The following COLQ variants were observed in gnomAD, a reference collection of about 807,000 sequenced individuals.
The protein encoded by COLQ is acetylcholinesterase collagenic tail peptide.
Under a neutral mutation model 69.0 loss-of-function variants are expected in COLQ, and 48 were observed. The ratio of observed to expected loss-of-function variants is 0.70; its 90% CI spans 0.55 to 0.88. The LOEUF is 0.88. Ranked by LOEUF, COLQ falls within the 40% of genes least tolerant of loss-of-function variation. The pLI is 0.00. For missense variants in COLQ, 618 were observed against 594.6 expected (o/e 1.04, Z -0.41); for synonymous variants, 217 against 211.2 (o/e 1.03, Z -0.24).
intron 7 of COLQ, 74 bp from the exon 8 acceptor site, chr3:15,475,025 T>C: frequency 8.4e-5 from 115 of 1,372,528 alleles, no homozygotes; most frequent in Non-Finnish European, 1.2e-4. Flanking sequence ...ATAGAAGGAA[T>C]CCCTGAATGT....
At chr3:15,479,189 G>C (rs1429881039) in intron 4 of COLQ, 149 bp downstream of exon 4, 1 of 1,099,884 alleles carries the variant, frequency 9.1e-7, no homozygotes, top group Non-Finnish European at 1.4e-6. Flanking sequence ...ATGTGCTGCA[G>C]CAGCCCAGCC....
intron 5 of COLQ, 132 bp from the exon 6 acceptor site, chr3:15,477,329 T>A: frequency 1.3e-6 from 1 of 776,126 alleles, no homozygotes; most frequent in Non-Finnish European, 2.2e-6. Context: ...TCATCCCCAC[T>A]CTCCGAAGAC....
chr3:15,474,648 CTG>C (rs1160109633), intron 8 of COLQ, among the ~76,000 whole-genome samples: 1 of 152,234 alleles, frequency 6.6e-6, no homozygotes, highest in Non-Finnish European at 1.5e-5. Context: ...TCTGTGCAAA[CTG>C]TGCTTATTCT....
intron 1 of COLQ, among the ~76,000 whole-genome samples, chr3:15,515,371 C>G (rs1286800644): frequency 6.6e-6 from 1 of 152,124 alleles, no homozygotes; most frequent in Non-Finnish European, 1.5e-5. Context: ...ACAATTTGCA[C>G]CCAGGACCCC....
At position 15,451,386 on chromosome 3, in the gene COLQ, C is replaced by T; in HGVS notation, c.*258G>A. 1.6e-6 allele frequency: 1 copy of T among 635,340 alleles called. No homozygotes were observed. 39.4% of individuals were successfully genotyped at this position (635,340 alleles called of 1,614,324 possible). ...AAGAGCATTGTAGCCGGTTGTTTGG[C>T]CAAATGGTAGCGATGGGGAACAGGT... is the stretch of plus-strand genomic sequence containing the variant. On this transcript the variant is annotated 3_prime_UTR_variant, in exon 17 of 17. Coordinates refer to ENST00000383788, the MANE Select transcript of COLQ (RefSeq NM_005677.4).
At chr3:15,455,849 A>AC (rs2062016183) in intron 15 of COLQ, 50 bp downstream of exon 15, 7 of 1,611,722 alleles carry the variant, frequency 4.3e-6, no homozygotes, top group Non-Finnish European at 5.9e-6. Context: ...CCTGAGTCCC[A>AC]CCCCCCTGCT....
At chr3:15,464,935 G>A (rs28594240) in intron 12 of COLQ, among the ~76,000 whole-genome samples, 4,337 of 152,278 alleles carry the variant, frequency 0.028, 188 homozygotes, top group African/African-American at 0.097. Flanking sequence ...CAGCACTTTG[G>A]GAGGCCGAGG....
chr3:15,496,936 G>A (rs896018091), intron 1 of COLQ, among the ~76,000 whole-genome samples: 14 of 152,054 alleles, frequency 9.2e-5, no homozygotes, highest in Non-Finnish European at 1.9e-4. Context: ...GGTGCAAGTG[G>A]CCATGTGAGC....
chr3:15,476,775 G>C (rs1399532362), intron 6 of COLQ, among the ~76,000 whole-genome samples: 1 of 152,170 alleles, frequency 6.6e-6, no homozygotes, highest in Non-Finnish European at 1.5e-5. Context: ...TCCCTGCCAG[G>C]TCAGCATGAC....
chr3:15,515,260 G>A (rs1316732608), intron 1 of COLQ, among the ~76,000 whole-genome samples: 1 of 152,182 alleles, frequency 6.6e-6, no homozygotes, highest in East Asian at 1.9e-4. Context: ...TAGCAATTCT[G>A]TGAGACAGAG....
At chr3:15,513,310 T>C (rs2063011350) in intron 1 of COLQ, among the ~76,000 whole-genome samples, 1 of 152,148 alleles carries the variant, frequency 6.6e-6, no homozygotes, top group Non-Finnish European at 1.5e-5. Context: ...TCTCACACTA[T>C]CTATAGCAGA....
chr3:15,456,315 G>T, intron 14 of COLQ, 145 bp downstream of exon 14: 1 of 1,129,510 alleles, frequency 8.9e-7, no homozygotes, highest in Non-Finnish European at 1.2e-6. Context: ...CTCAGAGAGA[G>T]TTTGAGGGAG....
chr3:15,516,175 T>A (rs13096588), intron 1 of COLQ, among the ~76,000 whole-genome samples: 19,195 of 152,226 alleles, frequency 0.13, 1,572 homozygotes, highest in Middle Eastern at 0.23. Flanking sequence ...ATAGGAAATA[T>A]GGGGCGGTAA....
chr3:15,464,407 G>A (rs371828393), intron 12 of COLQ, among the ~76,000 whole-genome samples: 1 of 152,216 alleles, frequency 6.6e-6, no homozygotes, highest in African/African-American at 2.4e-5. Context: ...GAATGGAGTA[G>A]ACCAAAGGTT....
At chr3:15,479,237 A>G in intron 4 of COLQ, 101 bp downstream of exon 4, 1 of 1,313,962 alleles carries the variant, frequency 7.6e-7, no homozygotes, top group South Asian at 1.2e-5. Context: ...CAGAGTTAGC[A>G]CATGTTTGGA....
At chr3:15,502,634 G>A (rs767830442) in intron 1 of COLQ, among the ~76,000 whole-genome samples, 1 of 152,098 alleles carries the variant, frequency 6.6e-6, no homozygotes, top group Non-Finnish European at 1.5e-5. Context: ...GGCTGGTCTT[G>A]AACTTCTGGC....
chr3:15,480,091 A>G (rs2062452056), intron 3 of COLQ, among the ~76,000 whole-genome samples: 1 of 152,240 alleles, frequency 6.6e-6, no homozygotes, highest in Admixed American at 6.5e-5. Context: ...AAAACAGCAG[A>G]GAGGAAATTC....
intron 1 of COLQ, among the ~76,000 whole-genome samples, chr3:15,504,404 G>A (rs983632728): frequency 9.9e-5 from 15 of 152,182 alleles, no homozygotes; most frequent in African/African-American, 3.6e-4. Flanking sequence ...CCACCTGCTT[G>A]CCATGTCCTC....
rs1157070408 is a variant in COLQ at position 15,477,118 on chromosome 3, A to G, written c.465+8T>C. 1.3e-6 allele frequency: 2 copies of G among 1,597,846 alleles called. No homozygotes were observed. Among genetic ancestry groups the G allele is most frequent in the Admixed American group, 3.5e-5 (2 of 57,672 alleles). Reference sequence around the variant, plus strand: ...ACCGCATGAGCCCTGAGAGCATGCCACACTTACCCTGGGTCCTTCAGGGCC... The same window carrying G: ...ACCGCATGAGCCCTGAGAGCATGCCGCACTTACCCTGGGTCCTTCAGGGCC... On this transcript the variant is annotated splice_region_variant and intron_variant, in intron 6 of 16. Coordinates refer to ENST00000383788, the MANE Select transcript of COLQ (RefSeq NM_005677.4).
Sources: gnomAD v4.1 joint callset for allele counts (sites outside exome capture counted in the v4.1 genomes callset) on GRCh38, gnomAD v4.1.1 for gene constraint, MANE v1.5 for transcripts, NCBI Gene and HGNC (gene_info 2026-07-23, HGNC 2026-07-21) for gene names.